EFCC1: variants seen among roughly 807,000 people sequenced by gnomAD.
EFCC1 encodes the protein EF-hand and coiled-coil domain-containing protein 1.
EFCC1 carries 50 observed loss-of-function variants against 52.1 expected under a neutral mutation model. The observed-to-expected ratio is 0.96, with a 90% CI of 0.76 to 1.21. The LOEUF (loss-of-function observed/expected upper bound fraction) is 1.21. EFCC1 is among the 50% of genes most tolerant of loss of function. EFCC1 has a pLI of 0.00. For synonymous variants in EFCC1, 399 were observed against 396.5 expected, an observed-to-expected ratio of 1.01 and a Z score of -0.08; for missense variants, 837 against 867.3, an observed-to-expected ratio of 0.97 and a Z score of 0.44.
At chr3:129,025,314 C>A (rs994092422) in intron 2 of EFCC1, among the ~76,000 whole-genome samples, 1 of 151,982 alleles carries the variant, frequency 6.6e-6, no homozygotes, top group South Asian at 2.1e-4. Context: ...GGCAAAATGG[C>A]GAAGAGTGCC....
chr3:129,027,159 G>A lies in EFCC1; in HGVS notation c.981-3544G>A, dbSNP rs1023821258. 2.0e-5 allele frequency among the ~76,000 whole-genome samples: 3 copies of A among 152,220 alleles called. 1 individual carries two copies. The highest frequency in any genetic ancestry group is 2.0e-4 in the Admixed American group (3 of 15,290). On this transcript the variant is annotated intron_variant, in intron 2 of 7. Coordinates refer to ENST00000683648, the MANE Select transcript of EFCC1 (RefSeq NM_001377500.1). ...CCGGAAACGCCTGCAGACGCCTGCAGACGCTCCTTGTGTTTCATTGGCTAC... is the reference window on the plus strand; with the variant it reads ...CCGGAAACGCCTGCAGACGCCTGCAAACGCTCCTTGTGTTTCATTGGCTAC...
chr3:129,030,619 A>T, intron 2 of EFCC1, 84 bp from the exon 3 acceptor site: 1 of 1,444,624 alleles, frequency 6.9e-7, no homozygotes, highest in Non-Finnish European at 9.2e-7. Flanking sequence ...ATGGGTGTTC[A>T]TAGACAGCTT....
In EFCC1 at chr3:129,030,784, G is replaced by A; in HGVS notation, c.1062G>A (p.Gly354=). The A allele has an allele frequency of 6.4e-7, 1 of 1,551,664 alleles. No homozygotes were observed. Among genetic ancestry groups the A allele is most frequent in the South Asian group, 1.2e-5 (1 of 84,058 alleles). ...GDKSNEPEDA[G]TRDPDPTPEG... is the part of the protein sequence containing the mutation. ...AGAGTAATGAACCTGAAGATGCTGG[G>A]ACCAGAGACCCAGACCCCACTCCAG... The change falls in exon 3 of 8, where the codon GGG becomes GGA. Residue 354 remains glycine (G), a synonymous_variant. Transcript: ENST00000683648.
chr3:129,029,276 C>A (rs951827219), intron 2 of EFCC1, among the ~76,000 whole-genome samples: 3 of 152,168 alleles, frequency 2.0e-5, no homozygotes, highest in East Asian at 1.9e-4. Flanking sequence ...ATAGATTTTT[C>A]TTTCTCCCCT....
chr3:129,036,987 A>T lies in EFCC1; in HGVS notation c.1463A>T (p.Gln488Leu), dbSNP rs776689470. Residue 488 changes from glutamine (Q) to leucine (L), a missense_variant, in exon 6 of 8, where the codon CAG (glutamine) becomes CTG (leucine). Transcript: ENST00000683648. ...CCCTTCTCTTCCCAGGCAGAGTTGC[A>T]GCAGAAGGTGGAAGAGAATGAGCAC... ...LGTSEEEAEL[Q>L]QKVEENEHLR... 6.2e-7 allele frequency: 1 copy of T among 1,613,924 alleles called. No individual in the cohort carries two copies. Among genetic ancestry groups the T allele is most frequent in the East Asian group, 2.2e-5 (1 of 44,872 alleles).
intron 7 of EFCC1, 46 bp downstream of exon 7, chr3:129,038,946 G>T (rs750722827): frequency 6.5e-7 from 1 of 1,532,086 alleles, no homozygotes; most frequent in Admixed American, 1.7e-5. Flanking sequence ...GTGGCTGGAG[G>T]GTGTCCTGAG....
In EFCC1 at chr3:129,040,072, C is replaced by T; in HGVS notation, c.*224C>T. The T allele has an allele frequency of 2.0e-6, 1 of 500,068 alleles. No individual in the cohort carries two copies. The highest frequency in any genetic ancestry group is 3.4e-5 in the East Asian group (1 of 29,424). The allele number at this position is 500,068 out of a possible 1,614,324, so 31.0% of individuals were successfully genotyped here. On this transcript the variant is annotated 3_prime_UTR_variant, in exon 8 of 8. Coordinates refer to ENST00000683648, the MANE Select transcript of EFCC1 (RefSeq NM_001377500.1). This position sits in a 1 kb window ranked among gnomAD's most constrained non-coding sequence, Gnocchi z 4.4. The stretch of plus-strand genomic sequence containing the variant: ...CCTCCACATTACCTCGCAGCCCCTG[C>T]ATTCCTGCCACCAGAGTCCACATTA...
At chr3:129,005,675 G>T (rs1945042292) in intron 2 of EFCC1, among the ~76,000 whole-genome samples, 1 of 152,216 alleles carries the variant, frequency 6.6e-6, no homozygotes, top group Non-Finnish European at 1.5e-5. Flanking sequence ...CCCAGGCTGG[G>T]GGTGGAGCAG....
At chr3:129,021,021 C>T (rs1398992513) in intron 2 of EFCC1, among the ~76,000 whole-genome samples, 1 of 152,208 alleles carries the variant, frequency 6.6e-6, no homozygotes, top group African/African-American at 2.4e-5. Context: ...GGAGCAGTAT[C>T]TCCCCCAGGA....
In EFCC1 at chr3:129,014,658, C is replaced by T. The variant is rs901668362; in HGVS notation, c.980+10581C>T. ...ATGAATTGGGGAGACACAACCAGCC[C>T]ATCACAGGAGACTTCTCTGAGATGT... On this transcript the variant is annotated intron_variant, in intron 2 of 7. Transcript: ENST00000683648. The surrounding 1 kb of genome is among the most constrained non-coding windows in gnomAD (Gnocchi z 4.3). Among the ~76,000 whole-genome samples, 4 of 152,192 alleles carry T rather than the reference C, an allele frequency of 2.6e-5. No individual in the cohort carries two copies. Among genetic ancestry groups the T allele is most frequent in the Non-Finnish European group, 4.4e-5 (3 of 68,030 alleles).
At position 129,001,851 on chromosome 3, in the gene EFCC1, C is replaced by A; in HGVS notation, c.223C>A (p.Pro75Thr). 1 of 1,545,940 alleles carries A rather than the reference C, an allele frequency of 6.5e-7. No homozygotes were observed. The highest frequency in any genetic ancestry group is 8.7e-7 in the Non-Finnish European group (1 of 1,145,578). The change falls in exon 1 of 8, where the codon CCC becomes ACC. Residue 75 changes from proline (P) to threonine (T), a missense_variant. Pro to Thr is a conservative substitution (Grantham distance 38). Transcript: ENST00000683648. The stretch of plus-strand genomic sequence containing the variant: ...GGACTGCCGCGGCGCCGGCCGTCTG[C>A]CCCGCGCCGACTTCCGAGCGCTCTG... ...HLDCRGAGRL[P>T]RADFRALCAV...
rs931134536 is a variant in EFCC1 at position 129,003,989 on chromosome 3, C to T, written c.892C>T (p.Arg298Cys). The T allele has an allele frequency of 2.0e-6, 3 of 1,499,046 alleles. No individual in the cohort carries two copies. Among genetic ancestry groups the T allele is most frequent in the South Asian group, 2.4e-5 (2 of 81,740 alleles). 92.9% of individuals were successfully genotyped at this position (1,499,046 alleles called of 1,614,324 possible). A position where few individuals can be genotyped will look rare whatever the true frequency, so the allele number is the denominator to read the frequency against. ...GCAGGTGGTGCTGCGCAGCCTGCAC[C>T]GCGTGCGAGAGCTGGAGGCGCTGGC... ...ARQVVLRSLH[R>C]VRELEALAQQ... The change falls in exon 2 of 8, where the codon CGC becomes TGC. Residue 298 changes from arginine (R) to cysteine (C), a missense_variant. Transcript: ENST00000683648.
intron 5 of EFCC1, 125 bp downstream of exon 5, chr3:129,034,454 A>AATCACCTCCCTCTG: frequency 3.7e-6 from 4 of 1,090,658 alleles, no homozygotes; most frequent in South Asian, 1.7e-5. Context: ...GCCCAGAGGG[A>AATCACCTCCCTCTG]GGTGATTTCC....
At chr3:129,020,059 G>A (rs1455834020) in intron 2 of EFCC1, among the ~76,000 whole-genome samples, 2 of 152,090 alleles carry the variant, frequency 1.3e-5, no homozygotes, top group African/African-American at 4.8e-5. Context: ...ATGAGCCATC[G>A]CAACCAGCCT....
At position 129,032,686 on chromosome 3, in the gene EFCC1, T is replaced by G. The variant is rs1946295160; in HGVS notation, c.1139-133T>G. On this transcript the variant is annotated intron_variant, in intron 3 of 7. Coordinates refer to ENST00000683648, the MANE Select transcript of EFCC1 (RefSeq NM_001377500.1). ...CCTCACTGCACAGGAGCCTGGGATG[T>G]GGGGGTGGCTGTCTCAAGAGGGGAC... The G allele has an allele frequency of 9.9e-6, 13 of 1,315,310 alleles. No individual in the cohort carries two copies. The South Asian group carries it at 2.0e-4, about 20-fold the overall frequency. The allele number at this position is 1,315,310 out of a possible 1,614,324, so 81.5% of individuals were successfully genotyped here. A position where few individuals can be genotyped will look rare whatever the true frequency, so the allele number is the denominator to read the frequency against.
intron 2 of EFCC1, among the ~76,000 whole-genome samples, chr3:129,004,541 C>G (rs1559955719): frequency 6.7e-6 from 1 of 149,626 alleles, no homozygotes; most frequent in Non-Finnish European, 1.5e-5. Flanking sequence ...CCCCCACCCA[C>G]CCAGCCAGCC....
chr3:129,020,529 G>A (rs1039425551), intron 2 of EFCC1, among the ~76,000 whole-genome samples: 1 of 152,146 alleles, frequency 6.6e-6, no homozygotes, highest in South Asian at 2.1e-4. Context: ...CCCAGCTACT[G>A]AGGAGGCTGA....
chr3:129,026,734 T>C (rs1044041382), intron 2 of EFCC1, among the ~76,000 whole-genome samples: 1 of 151,938 alleles, frequency 6.6e-6, no homozygotes, highest in Non-Finnish European at 1.5e-5. Context: ...GCCTGTGGAG[T>C]AGGGAGATAC....
At chr3:129,018,593 C>T (rs72979114) in intron 2 of EFCC1, among the ~76,000 whole-genome samples, 11,101 of 152,134 alleles carry the variant, frequency 0.073, 1,163 homozygotes, top group African/African-American at 0.23. Flanking sequence ...AGTATGCCAG[C>T]CCTGAGTCAA....
Sources: gnomAD v4.1 joint callset for allele counts (sites outside exome capture counted in the v4.1 genomes callset) on GRCh38, gnomAD v4.1.1 for gene constraint, Gnocchi (gnomAD v3.1) non-coding constraint, MANE v1.5 for transcripts, NCBI Gene and HGNC (gene_info 2026-07-23, HGNC 2026-07-21) for gene names.